The following VPS26B variants were observed in gnomAD, a reference collection of about 807,000 sequenced individuals.
The protein encoded by VPS26B is vacuolar protein sorting-associated protein 26B.
A neutral mutation model predicts 33.3 loss-of-function variants in VPS26B; 10 were observed. The observed-to-expected ratio is 0.30, with a 90% confidence interval of 0.19 to 0.51. The LOEUF (loss-of-function observed/expected upper bound fraction) is 0.51. Among genes scored for constraint, VPS26B ranks in the 20% least tolerant of loss-of-function variants. VPS26B has a pLI of 0.98. For synonymous variants in VPS26B, 190 were observed against 176.9 expected, an observed-to-expected ratio of 1.07 and a Z score of -0.59; for missense variants, 317 against 452.7, an observed-to-expected ratio of 0.70 and a Z score of 2.72.
Position 134,240,063 on chromosome 11 carries a change from A to G in VPS26B, c.453A>G (p.Thr151=). 1 of 1,614,170 alleles carries G rather than the reference A, an allele frequency of 6.2e-7. No homozygotes were observed. The highest frequency in any genetic ancestry group is 1.3e-5 in the African/African-American group (1 of 75,026). The change falls in exon 3 of 6, where the codon ACA becomes ACG. Residue 151 remains threonine (T), a synonymous_variant. Coordinates refer to ENST00000281187, the MANE Select transcript of VPS26B (RefSeq NM_052875.5). The surrounding 1 kb of genome is among the most constrained non-coding windows in gnomAD (Gnocchi z 4.4). ...AAGAGATGGACATTGTAGTTCACAC[A>G]CTCAGCACATACCCAGAGCTGAACT... ...VVKEMDIVVH[T]LSTYPELNSS...
chr11:134,230,679 C>A (rs1447819599), intron 1 of VPS26B, among the ~76,000 whole-genome samples: 3 of 152,242 alleles, frequency 2.0e-5, no homozygotes, highest in African/African-American at 7.2e-5. Context: ...CTGATATCCC[C>A]TTGTGTGTAA....
intron 1 of VPS26B, among the ~76,000 whole-genome samples, chr11:134,228,593 A>C (rs1456571224): frequency 6.6e-6 from 1 of 152,274 alleles, no homozygotes; most frequent in African/African-American, 2.4e-5. Context: ...ACACATTGAC[A>C]GGGAGTGAAG....
At chr11:134,236,903 G>T (rs1268004975) in intron 2 of VPS26B, among the ~76,000 whole-genome samples, 1 of 152,186 alleles carries the variant, frequency 6.6e-6, no homozygotes, top group African/African-American at 2.4e-5. Flanking sequence ...TGCACAATAC[G>T]AATATCATTA....
rs575345296 is a variant in VPS26B at position 134,235,122 on chromosome 11, G to A, written c.380+69G>A. 2.1e-3 allele frequency: 3,265 copies of A among 1,535,226 alleles called. 3 individuals are homozygous for A. Among genetic ancestry groups the A allele is most frequent in the Non-Finnish European group, 2.7e-3 (3,025 of 1,134,702 alleles). ...CCCATGTGGACAAGGACCTGAGGCC[G>A]TCCCCACTTTGAGAATCTTCACAGG... is the stretch of plus-strand genomic sequence containing the variant. On this transcript the variant is annotated intron_variant, in intron 2 of 5. Transcript: ENST00000281187.
At position 134,240,273 on chromosome 11, in the gene VPS26B, G is replaced by A; in HGVS notation, c.545+118G>A. The A allele has an allele frequency of 8.3e-7, 1 of 1,208,998 alleles. No individual in the cohort carries two copies. The highest frequency in any genetic ancestry group is 2.4e-5 in the East Asian group (1 of 41,738). 74.9% of individuals were successfully genotyped at this position (1,208,998 alleles called of 1,614,324 possible). A position where few individuals can be genotyped will look rare whatever the true frequency, so the allele number is the denominator to read the frequency against. On this transcript the variant is annotated intron_variant, in intron 3 of 5. Transcript: ENST00000281187. This position sits in a 1 kb window ranked among gnomAD's most constrained non-coding sequence, Gnocchi z 4.4. ...CGACTGCTTTGTGGTGGCATGCGGTGGGGGAAGACCGTGGGAGCAATCCAG... is the reference window on the plus strand; with the variant it reads ...CGACTGCTTTGTGGTGGCATGCGGTAGGGGAAGACCGTGGGAGCAATCCAG...
At chr11:134,231,590 A>T (rs1190655755) in intron 1 of VPS26B, among the ~76,000 whole-genome samples, 5 of 148,426 alleles carry the variant, frequency 3.4e-5, no homozygotes, top group African/African-American at 5.0e-5. Context: ...TTTGAGACGG[A>T]GTCTTGCTCT....
intron 2 of VPS26B, 59 bp downstream of exon 2, chr11:134,235,112 ACC>A: frequency 6.4e-7 from 1 of 1,553,504 alleles, no homozygotes; most frequent in Non-Finnish European, 8.7e-7. Flanking sequence ...GTGGACAAGG[ACC>A]TGAGGCCGTC....
intron 1 of VPS26B, among the ~76,000 whole-genome samples, chr11:134,228,564 G>A (rs1938512307): frequency 6.6e-6 from 1 of 152,180 alleles, no homozygotes. Flanking sequence ...GTAAAAGGGA[G>A]TTTGTGTTCC....
chr11:134,244,848 A>C lies in VPS26B; in HGVS notation c.722-90A>C, dbSNP rs1353286799. 6.7e-7 allele frequency: 1 copy of C among 1,500,542 alleles called. No individual in the cohort carries two copies. The highest frequency in any genetic ancestry group is 8.9e-7 in the Non-Finnish European group (1 of 1,125,886). 93.0% of individuals were successfully genotyped at this position (1,500,542 alleles called of 1,614,324 possible). ...CTGAAGTGCTCGTGTGCTGCACTCC[A>C]GTGGCATCTCTGCAGTGGTCAGAGT... On this transcript the variant is annotated intron_variant, in intron 4 of 5. Transcript: ENST00000281187. The surrounding 1 kb of genome is among the most constrained non-coding windows in gnomAD (Gnocchi z 4.0).
Position 134,225,211 on chromosome 11 carries a change from A to G in VPS26B, c.89A>G (p.Glu30Gly), listed in dbSNP as rs371039042. Residue 30 changes from glutamate (E) to glycine (G), a missense_variant, in exon 1 of 6, where the codon GAG (glutamate) becomes GGG (glycine). Physicochemically the swap from Glu to Gly is moderately conservative, Grantham distance 98. Transcript: ENST00000281187. ...ESRKRAEHKT[E>G]DGKKEKYFLF... ...AGGAAGCGGGCCGAGCACAAGACGG[A>G]GGACGGGAAGAAGGAGAAATATTTC... The G allele has an allele frequency of 6.2e-7, 1 of 1,614,162 alleles. No homozygotes were observed. Among genetic ancestry groups the G allele is most frequent in the Admixed American group, 1.7e-5 (1 of 60,030 alleles).
At chr11:134,229,928 G>A (rs923350239) in intron 1 of VPS26B, among the ~76,000 whole-genome samples, 1 of 152,038 alleles carries the variant, frequency 6.6e-6, no homozygotes, top group Non-Finnish European at 1.5e-5. Flanking sequence ...CACTCTCACC[G>A]CTTGTGGGTT....
At chr11:134,239,856 C>G in intron 2 of VPS26B, 135 bp from the exon 3 acceptor site, 1 of 942,364 alleles carries the variant, frequency 1.1e-6, no homozygotes, top group Non-Finnish European at 1.6e-6. Context: ...TCTGTAACTT[C>G]TTAAAAGGAT....
In VPS26B at chr11:134,245,878, G is replaced by C. The variant is rs1175994316; in HGVS notation, c.*288G>C. ...GCCCCCTTCCTCGGGGGGCTGCCTTGCGTCTTAGAGGAGGGAGAGCAGAGA... is the reference window on the plus strand; with the variant it reads ...GCCCCCTTCCTCGGGGGGCTGCCTTCCGTCTTAGAGGAGGGAGAGCAGAGA... On this transcript the variant is annotated 3_prime_UTR_variant, in exon 6 of 6. Coordinates refer to ENST00000281187, the MANE Select transcript of VPS26B (RefSeq NM_052875.5). The surrounding 1 kb of genome is among the most constrained non-coding windows in gnomAD (Gnocchi z 4.7). The C allele has an allele frequency of 2.4e-6, 1 of 409,552 alleles. No individual in the cohort carries two copies. The highest frequency in any genetic ancestry group is 2.0e-5 in the African/African-American group (1 of 50,390). 25.4% of individuals were successfully genotyped at this position (409,552 alleles called of 1,614,324 possible).
chr11:134,233,652 G>A (rs1938589436), intron 1 of VPS26B, among the ~76,000 whole-genome samples: 1 of 152,106 alleles, frequency 6.6e-6, no homozygotes, highest in Non-Finnish European at 1.5e-5. Context: ...TTGAACCCAG[G>A]AGGCGGAGGT....
At position 134,245,206 on chromosome 11, in the gene VPS26B, C is replaced by G; in HGVS notation, c.864+126C>G. 2.1e-6 allele frequency: 3 copies of G among 1,397,336 alleles called. No individual in the cohort carries two copies. Among genetic ancestry groups the G allele is most frequent in the Admixed American group, 4.9e-5 (2 of 41,102 alleles). The allele number at this position is 1,397,336 out of a possible 1,614,324, so 86.6% of individuals were successfully genotyped here. A position where few individuals can be genotyped will look rare whatever the true frequency, so the allele number is the denominator to read the frequency against. On this transcript the variant is annotated intron_variant, in intron 5 of 5. Transcript: ENST00000281187. The surrounding 1 kb of genome is among the most constrained non-coding windows in gnomAD (Gnocchi z 4.7). ...CATTAGGTCGCCCACAATTGCACAA[C>G]AAGAATGAGGATTCTCACCTGGCCT...
chr11:134,229,959 C>T (rs1938534535), intron 1 of VPS26B, among the ~76,000 whole-genome samples: 2 of 152,312 alleles, frequency 1.3e-5, no homozygotes, highest in Middle Eastern at 3.4e-3. Flanking sequence ...TCCTTTTCTT[C>T]TGGAATCTTG....
At chr11:134,227,138 C>A (rs1032484261) in intron 1 of VPS26B, among the ~76,000 whole-genome samples, 2 of 152,152 alleles carry the variant, frequency 1.3e-5, no homozygotes, top group Non-Finnish European at 2.9e-5. Context: ...TAGCATCCCC[C>A]ACTTGCGACC....
chr11:134,231,969 T>C (rs1045015650), intron 1 of VPS26B, among the ~76,000 whole-genome samples: 1 of 152,250 alleles, frequency 6.6e-6, no homozygotes, highest in African/African-American at 2.4e-5. Flanking sequence ...GCGGCTGTCA[T>C]GGGTGACCTG....
Position 134,245,168 on chromosome 11 carries a change from C to A in VPS26B, c.864+88C>A. On this transcript the variant is annotated intron_variant, in intron 5 of 5. Transcript: ENST00000281187. This position sits in a 1 kb window ranked among gnomAD's most constrained non-coding sequence, Gnocchi z 4.7. ...ATGGAAGGTCAGACTCCATTTTTGC[C>A]AAGAGGTGGGAACATTAGGTCGCCC... 6.5e-7 allele frequency: 1 copy of A among 1,533,748 alleles called. No homozygotes were observed. Among genetic ancestry groups the A allele is most frequent in the South Asian group, 1.3e-5 (1 of 79,792 alleles).
Sources: allele counts gnomAD v4.1 joint callset (sites outside exome capture counted in the v4.1 genomes callset), GRCh38; gene constraint gnomAD v4.1.1; non-coding constraint Gnocchi (gnomAD v3.1); transcripts MANE v1.5; gene names NCBI Gene and HGNC (gene_info 2026-07-23, HGNC 2026-07-21).